PTPRD: variants seen among roughly 807,000 people sequenced by gnomAD.
PTPRD encodes the protein receptor-type tyrosine-protein phosphatase delta.
In PTPRD, 34 loss-of-function variants were observed where a neutral mutation model predicts 214.5. The ratio of observed to expected loss-of-function variants is 0.16; its 90% confidence interval spans 0.12 to 0.21. The LOEUF is 0.21. PTPRD is among the 10% of genes least tolerant of loss of function. The probability of loss-of-function intolerance (pLI) is 1.00; values close to 1 mark genes in which losing one functional copy is unlikely to be tolerated. For missense variants in PTPRD, 2,545 were observed against 2,398.7 expected (o/e 1.06, Z -1.27); for synonymous variants, 1,128 against 845.7 (o/e 1.33, Z -5.79).
At chr9:10,144,839 G>T (rs1218545041) in intron 3 of PTPRD, among the ~76,000 whole-genome samples, 1 of 151,862 alleles carries the variant, frequency 6.6e-6, no homozygotes, top group African/African-American at 2.4e-5. Context: ...TTTGGCATGT[G>T]GTTTATACAT....
intron 8 of PTPRD, among the ~76,000 whole-genome samples, chr9:9,414,992 C>T (rs868107153): frequency 6.6e-6 from 1 of 152,172 alleles, no homozygotes; most frequent in African/African-American, 2.4e-5. Flanking sequence ...CTTTTGCCTT[C>T]CTGAAACTCT....
At chr9:9,210,871 CTCT>C (rs1011082318) in intron 9 of PTPRD, among the ~76,000 whole-genome samples, 13 of 148,270 alleles carry the variant, frequency 8.8e-5, no homozygotes, top group African/African-American at 3.2e-4. Context: ...TTTTTTTTTT[CTCT>C]TCAATAGAAA....
intron 3 of PTPRD, among the ~76,000 whole-genome samples, chr9:10,240,428 C>T (rs1570267): frequency 0.76 from 114,609 of 151,652 alleles, 43,864 homozygotes; most frequent in East Asian, 0.88. Flanking sequence ...TGAGGAAAAA[C>T]GCCTTAAGTA....
At chr9:10,101,451 C>G (rs1237251877) in intron 3 of PTPRD, among the ~76,000 whole-genome samples, 1 of 151,638 alleles carries the variant, frequency 6.6e-6, no homozygotes, top group East Asian at 1.9e-4. Flanking sequence ...CACCTTCCAT[C>G]CTCTGCTAGA....
chr9:9,941,785 T>TA (rs1241812091), intron 4 of PTPRD, among the ~76,000 whole-genome samples: 1 of 152,194 alleles, frequency 6.6e-6, no homozygotes, highest in Non-Finnish European at 1.5e-5. Flanking sequence ...GTCACTTTTG[T>TA]AACTTTTCTC....
chr9:10,256,065 AT>A (rs1407432275), intron 3 of PTPRD, among the ~76,000 whole-genome samples: 1 of 152,200 alleles, frequency 6.6e-6, no homozygotes, highest in East Asian at 1.9e-4. Context: ...TAAACTGCAT[AT>A]GTGAGGAGTC....
chr9:8,432,698 T>G (rs1355538190), intron 35 of PTPRD, among the ~76,000 whole-genome samples: 3 of 152,228 alleles, frequency 2.0e-5, no homozygotes, highest in Non-Finnish European at 4.4e-5. Context: ...CCCCACAAAA[T>G]GTTGCTCTGA....
chr9:8,951,618 T>A (rs1286580346), intron 11 of PTPRD, among the ~76,000 whole-genome samples: 1 of 152,020 alleles, frequency 6.6e-6, no homozygotes, highest in Non-Finnish European at 1.5e-5. Context: ...GCACTGCTAG[T>A]CACCCAGTTA....
At chr9:8,720,465 G>A (rs1773436910) in intron 12 of PTPRD, among the ~76,000 whole-genome samples, 2 of 152,116 alleles carry the variant, frequency 1.3e-5, no homozygotes, top group African/African-American at 2.4e-5. Flanking sequence ...TTGATGAGAG[G>A]AACTGTAAAA....
chr9:10,260,386 C>G (rs1409484381), intron 3 of PTPRD, among the ~76,000 whole-genome samples: 1 of 152,164 alleles, frequency 6.6e-6, no homozygotes, highest in Non-Finnish European at 1.5e-5. Context: ...TTACAGAAGA[C>G]TTTTGTGTAC....
rs73427552 is a variant in PTPRD, at chr9:8,714,700, T to G, written c.64+19080A>C. 4.1e-3 allele frequency among the ~76,000 whole-genome samples: 619 copies of G among 152,220 alleles called. 1 individual carries two copies. The highest frequency in any genetic ancestry group is 0.014 in the African/African-American group (601 of 41,520). Reference sequence around the variant, plus strand: ...AACTTCCCTACCTCCTTCAAATCTTTGCTTAAATGTCACTTTCTCACTGAC... The same window carrying G: ...AACTTCCCTACCTCCTTCAAATCTTGGCTTAAATGTCACTTTCTCACTGAC... On this transcript the variant is annotated intron_variant, in intron 12 of 45. Transcript: ENST00000381196.
At chr9:8,562,769 A>C (rs957985409) in intron 14 of PTPRD, among the ~76,000 whole-genome samples, 4 of 152,134 alleles carry the variant, frequency 2.6e-5, no homozygotes, top group African/African-American at 7.2e-5. Context: ...ATTTTAATGC[A>C]ATGTAGGTTA....
chr9:9,099,319 T>TAAAATCTATAAAAATAGAG (rs2099788110), intron 10 of PTPRD, among the ~76,000 whole-genome samples: 1 of 152,190 alleles, frequency 6.6e-6, no homozygotes, highest in Non-Finnish European at 1.5e-5. Flanking sequence ...TATAAATATA[T>TAAAATCTATAAAAATAGAG]ACAGAGAGAA....
intron 2 of PTPRD, among the ~76,000 whole-genome samples, chr9:10,402,070 T>A (rs2098278192): frequency 6.6e-6 from 1 of 151,428 alleles, no homozygotes; most frequent in Non-Finnish European, 1.5e-5. Flanking sequence ...ATGACTGTGG[T>A]TTTGAAGGGA....
chr9:9,670,217 G>C (rs2096800548), intron 7 of PTPRD, among the ~76,000 whole-genome samples: 1 of 152,124 alleles, frequency 6.6e-6, no homozygotes, highest in Admixed American at 6.5e-5. Flanking sequence ...AAGCTGAGGG[G>C]AATGATATGG....
chr9:10,182,165 C>G (rs1167320622), intron 3 of PTPRD, among the ~76,000 whole-genome samples: 3 of 140,766 alleles, frequency 2.1e-5, no homozygotes, highest in African/African-American at 8.0e-5. Flanking sequence ...GAGGCTGAGG[C>G]AGGAGAATCG....
At chr9:8,449,394 C>T (rs181087398) in intron 34 of PTPRD, among the ~76,000 whole-genome samples, 74 of 152,112 alleles carry the variant, frequency 4.9e-4, no homozygotes, top group Non-Finnish European at 8.1e-4. Context: ...TGATGAGAAA[C>T]TGAATTCTTT....
chr9:10,408,028 C>T (rs1257987318), intron 2 of PTPRD, among the ~76,000 whole-genome samples: 1 of 151,492 alleles, frequency 6.6e-6, no homozygotes, highest in Non-Finnish European at 1.5e-5. Flanking sequence ...ATCACACATG[C>T]ACCTACATAT....
chr9:10,350,057 C>G (rs1426372082), intron 2 of PTPRD, among the ~76,000 whole-genome samples: 1 of 152,160 alleles, frequency 6.6e-6, no homozygotes, highest in Non-Finnish European at 1.5e-5. Flanking sequence ...TATAAGTTCA[C>G]AGACTAGAAA....
Sources: gnomAD v4.1 joint callset for allele counts (sites outside exome capture counted in the v4.1 genomes callset) on GRCh38, gnomAD v4.1.1 for gene constraint, MANE v1.5 for transcripts, NCBI Gene and HGNC (gene_info 2026-07-23, HGNC 2026-07-21) for gene names.